The following NALCN variants were observed in gnomAD, a reference collection of about 807,000 sequenced individuals.
The protein encoded by NALCN is sodium leak channel, non-selective, also known as sodium leak channel NALCN.
A neutral mutation model predicts 225.3 loss-of-function variants in NALCN; 111 were observed. The ratio of observed to expected loss-of-function variants is 0.49; its 90% CI spans 0.42 to 0.58. The LOEUF is 0.58. Among genes scored for constraint, NALCN ranks in the 20% least tolerant of loss-of-function variants. The pLI is 0.00. For missense variants in NALCN, 1,378 were observed against 2,202.4 expected (o/e 0.63, Z 7.49); for synonymous variants, 764 against 769.0 (o/e 0.99, Z 0.11).
intron 41 of NALCN, among the ~76,000 whole-genome samples, chr13:101,060,275 G>GTTTTGTTTT (rs2031762235): frequency 3.8e-5 from 3 of 79,832 alleles, no homozygotes; most frequent in South Asian, 5.6e-4. Context: ...GGTGTTTTCT[G>GTTTTGTTTT]TTTTTTTTTT....
intron 3 of NALCN, among the ~76,000 whole-genome samples, chr13:101,385,501 C>G (rs963944048): frequency 1.3e-5 from 2 of 152,150 alleles, no homozygotes; most frequent in African/African-American, 2.4e-5. Flanking sequence ...CTATTTATAT[C>G]TGCAAAAAAT....
chr13:101,206,538 C>T (rs1460610944), intron 13 of NALCN, among the ~76,000 whole-genome samples: 18 of 151,754 alleles, frequency 1.2e-4, no homozygotes, highest in Admixed American at 1.1e-3. Context: ...TCTTTTAGAA[C>T]TTTACCTGTT....
chr13:101,240,486 T>C (rs2041719803), intron 11 of NALCN, among the ~76,000 whole-genome samples: 2 of 152,156 alleles, frequency 1.3e-5, no homozygotes, highest in Admixed American at 1.3e-4. Context: ...TTCTAATATT[T>C]TTCATAAAGT....
At chr13:101,057,800 T>C in intron 43 of NALCN, 139 bp downstream of exon 43, 1 of 749,504 alleles carries the variant, frequency 1.3e-6, no homozygotes, top group Non-Finnish European at 2.4e-6. Context: ...TTGACAAGAC[T>C]ACATTTTTCA....
At chr13:101,247,039 A>C (rs1210453372) in intron 11 of NALCN, among the ~76,000 whole-genome samples, 1 of 152,200 alleles carries the variant, frequency 6.6e-6, no homozygotes, top group Admixed American at 6.5e-5. Context: ...GTTGACCAGA[A>C]ATGCAACAGA....
intron 37 of NALCN, 60 bp downstream of exon 37, chr13:101,073,524 G>A: frequency 1.4e-6 from 2 of 1,380,136 alleles, no homozygotes; most frequent in African/African-American, 1.4e-5. Flanking sequence ...CCAACATTGT[G>A]TTGCAAGAGT....
intron 7 of NALCN, among the ~76,000 whole-genome samples, chr13:101,313,615 A>C (rs1400480962): frequency 6.6e-6 from 1 of 152,184 alleles, no homozygotes; most frequent in East Asian, 1.9e-4. Flanking sequence ...AATCAAAACC[A>C]CAATGAGATA....
At chr13:101,335,311 AG>A (rs2045342387) in intron 7 of NALCN, among the ~76,000 whole-genome samples, 3 of 152,160 alleles carry the variant, frequency 2.0e-5, no homozygotes, top group Non-Finnish European at 4.4e-5. Flanking sequence ...ACCTAATTTC[AG>A]TTTAAGTAAG....
At chr13:101,179,097 G>A (rs925701934) in intron 14 of NALCN, among the ~76,000 whole-genome samples, 1 of 152,150 alleles carries the variant, frequency 6.6e-6, no homozygotes, top group African/African-American at 2.4e-5. Context: ...GCACTGCCTG[G>A]TCTGATACAT....
At chr13:101,315,655 G>T (rs1439955523) in intron 7 of NALCN, among the ~76,000 whole-genome samples, 2 of 152,106 alleles carry the variant, frequency 1.3e-5, no homozygotes, top group African/African-American at 2.4e-5. Context: ...AGTCTTTAAT[G>T]AAACTAATCT....
chr13:101,337,277 A>AT lies in NALCN; in HGVS notation c.799+7988dup, dbSNP rs10642688. Among the ~76,000 whole-genome samples, 851 of 142,614 alleles carry AT rather than the reference A, an allele frequency of 6.0e-3. 7 individuals are homozygous for AT. Among genetic ancestry groups the AT allele is most frequent in the African/African-American group, 0.021 (808 of 38,132 alleles). 93.6% of individuals were successfully genotyped at this position (142,614 alleles called of 152,430 possible). A position where few individuals can be genotyped will look rare whatever the true frequency, so the allele number is the denominator to read the frequency against. On this transcript the variant is annotated intron_variant, in intron 7 of 43. Transcript: ENST00000251127. ...TCACATTCCTTCACATTTACTCTTT[A>AT]TTATTTATTTATTTATTTATTTATT...
At chr13:101,147,177 C>T (rs1046889155) in intron 15 of NALCN, among the ~76,000 whole-genome samples, 1 of 152,182 alleles carries the variant, frequency 6.6e-6, no homozygotes, top group Non-Finnish European at 1.5e-5. Context: ...CTGCCTGCAT[C>T]CCCACCAGTG....
intron 7 of NALCN, among the ~76,000 whole-genome samples, chr13:101,304,810 C>A (rs1386862425): frequency 7.3e-6 from 1 of 137,486 alleles, no homozygotes; most frequent in East Asian, 2.2e-4. Context: ...GGCTAGGGTG[C>A]GGTGGCTGGA....
At chr13:101,356,820 C>T (rs956427104) in intron 6 of NALCN, among the ~76,000 whole-genome samples, 1 of 152,178 alleles carries the variant, frequency 6.6e-6, no homozygotes, top group African/African-American at 2.4e-5. Context: ...TCCAACAGCA[C>T]ATCAAAAAGC....
At chr13:101,161,983 C>T (rs917281949) in intron 15 of NALCN, among the ~76,000 whole-genome samples, 1 of 152,186 alleles carries the variant, frequency 6.6e-6, no homozygotes, top group Non-Finnish European at 1.5e-5. Context: ...CCACTCCACC[C>T]TGGTCTTCCT....
In NALCN at chr13:101,191,969, C is replaced by G. The variant is rs2039700500; in HGVS notation, c.1712G>C (p.Trp571Ser). The G allele has an allele frequency of 6.2e-7, 1 of 1,608,022 alleles. No homozygotes were observed. The highest frequency in any genetic ancestry group is 8.5e-7 in the Non-Finnish European group (1 of 1,177,580). ...GAAATAGATGGCAACCACGGGTGCC[C>G]ACATATGTCCCACAGCATTTAGAGT... Reference protein sequence around the residue: ...DQTLNAVGHMWAPVVAIYFIL... With the variant: ...DQTLNAVGHMSAPVVAIYFIL... The change falls in exon 14 of 44, where the codon TGG becomes TCG. Residue 571 changes from tryptophan to serine, a missense_variant. This residue lies in a region of NALCN where 62 missense variants were observed against 143.6 expected (regional missense o/e 0.43). Coordinates refer to ENST00000251127, the MANE Select transcript of NALCN (RefSeq NM_052867.4).
At chr13:101,377,267 C>T (rs2046720863) in intron 4 of NALCN, among the ~76,000 whole-genome samples, 3 of 152,130 alleles carry the variant, frequency 2.0e-5, no homozygotes, top group South Asian at 2.1e-4. Context: ...ATAAGAACAA[C>T]ATTAATCTTA....
chr13:101,122,018 C>A (rs1439730865), intron 18 of NALCN, among the ~76,000 whole-genome samples: 1 of 148,992 alleles, frequency 6.7e-6, no homozygotes, highest in Admixed American at 6.7e-5. Flanking sequence ...TGTTATTGTT[C>A]CTTGAAAAAC....
intron 6 of NALCN, among the ~76,000 whole-genome samples, chr13:101,370,897 T>A (rs2046521346): frequency 6.6e-6 from 1 of 152,156 alleles, no homozygotes; most frequent in South Asian, 2.1e-4. Context: ...CCCTTTGTAA[T>A]CCCTTAATTC....
Sources: allele counts gnomAD v4.1 joint callset (sites outside exome capture counted in the v4.1 genomes callset), GRCh38; gene constraint gnomAD v4.1.1; regional missense constraint gnomAD v4.1.1; transcripts MANE v1.5; gene names NCBI Gene and HGNC (gene_info 2026-07-23, HGNC 2026-07-21).